RBFOX1: variants seen among roughly 807,000 people sequenced by gnomAD.
RBFOX1 encodes RNA binding protein fox-1 homolog 1.
In RBFOX1, 8 loss-of-function variants were observed where a neutral mutation model predicts 57.7. That is an observed-to-expected ratio of 0.14 (90% confidence interval 0.08 to 0.25). The LOEUF (loss-of-function observed/expected upper bound fraction) is 0.25, where lower values mean the gene tolerates loss of function less well. RBFOX1 is among the 10% of genes least tolerant of loss of function. RBFOX1 has a pLI of 1.00. For missense variants in RBFOX1, 611 were observed against 548.5 expected (o/e 1.11, Z -1.14); for synonymous variants, 326 against 222.4 (o/e 1.47, Z -4.15).
intron 3 of RBFOX1, among the ~76,000 whole-genome samples, chr16:6,983,152 T>G (rs575750812): frequency 6.6e-6 from 1 of 152,058 alleles, no homozygotes; most frequent in African/African-American, 2.4e-5. Flanking sequence ...GACAGCTTCC[T>G]AGCAGGGATA....
chr16:6,102,970 C>G (rs1441221309), intron 1 of RBFOX1, among the ~76,000 whole-genome samples: 1 of 152,122 alleles, frequency 6.6e-6, no homozygotes, highest in Non-Finnish European at 1.5e-5. Context: ...CATTCTAATG[C>G]TTTCCCTTGG....
intron 3 of RBFOX1, among the ~76,000 whole-genome samples, chr16:6,680,780 C>T (rs995012274): frequency 6.6e-5 from 10 of 152,226 alleles, no homozygotes; most frequent in Middle Eastern, 3.4e-3. Context: ...TAGATGGGCA[C>T]CTAACTTTGC....
In RBFOX1 at chr16:5,557,020, G is replaced by A. The variant is rs138850738; in HGVS notation, c.259-41882G>A. 6.0e-3 allele frequency among the ~76,000 whole-genome samples: 910 copies of A among 152,256 alleles called. 14 individuals carry two copies. The highest frequency in any genetic ancestry group is 0.021 in the African/African-American group (868 of 41,532). ...CATGCCTGTAATCCCAGCACTTTGG[G>A]AGGCTGAGGCAGGCGGATCATGAGG... On this transcript the variant is annotated intron_variant, in intron 2 of 2. Coordinates refer to the RBFOX1 transcript ENST00000585867.
At chr16:6,064,754 A>C (rs2095737725) in intron 1 of RBFOX1, among the ~76,000 whole-genome samples, 1 of 151,930 alleles carries the variant, frequency 6.6e-6, no homozygotes, top group Admixed American at 6.6e-5. Context: ...ATTAGCCAGG[A>C]TGTATACACA....
At chr16:6,381,738 C>T (rs538796372) in intron 2 of RBFOX1, among the ~76,000 whole-genome samples, 1 of 152,202 alleles carries the variant, frequency 6.6e-6, no homozygotes. Flanking sequence ...CCGATGTATG[C>T]CTGGGGCTAC....
chr16:5,867,837 G>C (rs1291647685), intron 4 of RBFOX1, among the ~76,000 whole-genome samples: 1 of 151,996 alleles, frequency 6.6e-6, no homozygotes, highest in Non-Finnish European at 1.5e-5. Flanking sequence ...TCGGCCTCCT[G>C]AGTGGCTGGG....
chr16:7,048,991 G>A (rs1437803505), intron 3 of RBFOX1, among the ~76,000 whole-genome samples: 1 of 152,160 alleles, frequency 6.6e-6, no homozygotes, highest in East Asian at 1.9e-4. Context: ...TGGGACATGG[G>A]CAGTAGTCTA....
intron 3 of RBFOX1, among the ~76,000 whole-genome samples, chr16:5,694,433 G>A (rs946190922): frequency 6.6e-6 from 1 of 152,172 alleles, no homozygotes; most frequent in East Asian, 1.9e-4. Flanking sequence ...CTGTAACTTC[G>A]TGAACACAAC....
chr16:6,937,710 G>A (rs966810031), intron 3 of RBFOX1, among the ~76,000 whole-genome samples: 2 of 152,068 alleles, frequency 1.3e-5, no homozygotes, highest in Non-Finnish European at 1.5e-5. Context: ...AGTTATTATC[G>A]ATAGAAAAGA....
chr16:5,689,544 T>C (rs2050604991), intron 3 of RBFOX1, among the ~76,000 whole-genome samples: 1 of 152,166 alleles, frequency 6.6e-6, no homozygotes, highest in South Asian at 2.1e-4. Flanking sequence ...GGAGGTCTTA[T>C]GTGGCACACC....
chr16:6,217,733 G>C (rs1306949700), intron 1 of RBFOX1, among the ~76,000 whole-genome samples: 1 of 152,202 alleles, frequency 6.6e-6, no homozygotes, highest in Non-Finnish European at 1.5e-5. Flanking sequence ...ATGTTGCATA[G>C]GCTGGGCACA....
intron 4 of RBFOX1, among the ~76,000 whole-genome samples, chr16:7,059,651 G>A (rs1480539710): frequency 1.3e-4 from 20 of 152,240 alleles, no homozygotes; most frequent in East Asian, 1.9e-4. Context: ...CTTATCAAAC[G>A]TACCAGATTA....
At chr16:5,741,258 G>A (rs1055970348) in intron 3 of RBFOX1, among the ~76,000 whole-genome samples, 9 of 152,124 alleles carry the variant, frequency 5.9e-5, no homozygotes, top group South Asian at 2.1e-4. Context: ...CAGTGGGGTC[G>A]CCCTGAAGAC....
Position 7,421,145 on chromosome 16 carries a change from A to G in RBFOX1, c.28-97002A>G, listed in dbSNP as rs116735627. ...GGGCCAAGGTGGAGAAGGCACTGGT[A>G]TTGACCAGGAAAGTTGTATGTAATA... is the stretch of plus-strand genomic sequence containing the variant. On this transcript the variant is annotated intron_variant, in intron 4 of 15. Transcript: ENST00000550418. 2.2e-3 allele frequency among the ~76,000 whole-genome samples: 340 copies of G among 152,192 alleles called. 3 individuals are homozygous for G. Among genetic ancestry groups the G allele is most frequent in the African/African-American group, 7.8e-3 (323 of 41,518 alleles).
chr16:5,769,334 T>C (rs1224697070), intron 3 of RBFOX1, among the ~76,000 whole-genome samples: 4 of 151,946 alleles, frequency 2.6e-5, no homozygotes, highest in Admixed American at 2.0e-4. Flanking sequence ...GTATGACTGG[T>C]GTCCTTATAA....
chr16:5,985,057 C>T (rs1212695768), intron 4 of RBFOX1, among the ~76,000 whole-genome samples: 3 of 144,206 alleles, frequency 2.1e-5, no homozygotes, highest in African/African-American at 7.8e-5. Flanking sequence ...GCGATCTTGG[C>T]TCACTTCCAC....
chr16:5,348,210 C>G (rs990827723), intron 1 of RBFOX1, among the ~76,000 whole-genome samples: 1 of 151,942 alleles, frequency 6.6e-6, no homozygotes, highest in Non-Finnish European at 1.5e-5. Context: ...GCCCACTCAC[C>G]CATGCATCCA....
At chr16:5,750,193 C>A (rs914892047) in intron 3 of RBFOX1, among the ~76,000 whole-genome samples, 5 of 152,186 alleles carry the variant, frequency 3.3e-5, no homozygotes, top group Non-Finnish European at 7.3e-5. Flanking sequence ...TATTTCTGAA[C>A]AGCAAATGTT....
intron 12 of RBFOX1, among the ~76,000 whole-genome samples, chr16:7,656,325 C>A (rs1423928435): frequency 1.3e-5 from 2 of 152,176 alleles, no homozygotes; most frequent in African/African-American, 4.8e-5. Flanking sequence ...TTGAGGCCAC[C>A]ATCTTAGAGG....
Sources: gnomAD v4.1 joint callset for allele counts (sites outside exome capture counted in the v4.1 genomes callset) on GRCh38, gnomAD v4.1.1 for gene constraint, MANE v1.5 for transcripts, NCBI Gene and HGNC (gene_info 2026-07-23, HGNC 2026-07-21) for gene names.